Variants in EIF4A2 observed in about 807,000 individuals in gnomAD.
EIF4A2 encodes eukaryotic initiation factor 4A-II.
In EIF4A2, 9 loss-of-function variants were observed where a neutral mutation model predicts 50.6. The observed-to-expected ratio is 0.18, with a 90% confidence interval of 0.11 to 0.31. The LOEUF (loss-of-function observed/expected upper bound fraction) is 0.31, where lower values mean the gene tolerates loss of function less well. Among genes scored for constraint, EIF4A2 ranks in the 10% least tolerant of loss-of-function variants. The pLI is 1.00. For missense variants in EIF4A2, 182 were observed against 501.8 expected (o/e 0.36, Z 6.09); for synonymous variants, 215 against 164.4 (o/e 1.31, Z -2.35).
chr3:186,788,076 T>G lies in EIF4A2; in HGVS notation c.1079+194T>G, dbSNP rs903851583. The G allele has an allele frequency of 6.8e-6, 5 of 735,824 alleles. No individual in the cohort carries two copies. In the East Asian group the frequency reaches 8.3e-5, roughly 12 times the overall value. 45.6% of individuals were successfully genotyped at this position (735,824 alleles called of 1,614,324 possible). A position where few individuals can be genotyped will look rare whatever the true frequency, so the allele number is the denominator to read the frequency against. On this transcript the variant is annotated intron_variant, in intron 10 of 10. Transcript: ENST00000323963. ...GAAAACTTGTAAACATTGCCCAGAT[T>G]GTGGACATAGGGTTTTTTTCCACAA... is the stretch of plus-strand genomic sequence containing the variant.
chr3:186,783,954 CTG>C (rs1553797491), intron 1 of EIF4A2: 2 of 469,966 alleles, frequency 4.3e-6, no homozygotes, highest in Non-Finnish European at 7.7e-6. Context: ...GTTCGGTACA[CTG>C]TAACCAGGAC....
rs1476274536 is a variant in EIF4A2 at position 186,788,372 on chromosome 3, C to T, written c.1079+490C>T. Reference sequence around the variant, plus strand: ...GAAACGGCGTTGACGTAATTTAGGACGTGGAATCATAAGCGAAACAGCACA... The same window carrying T: ...GAAACGGCGTTGACGTAATTTAGGATGTGGAATCATAAGCGAAACAGCACA... On this transcript the variant is annotated intron_variant, in intron 10 of 10. Coordinates refer to ENST00000323963, the MANE Select transcript of EIF4A2 (RefSeq NM_001967.4). The T allele has an allele frequency of 1.7e-5, 22 of 1,288,638 alleles. No homozygotes were observed. The Admixed American group carries it at 2.5e-4, about 15-fold the overall frequency. The allele number at this position is 1,288,638 out of a possible 1,614,324, so 79.8% of individuals were successfully genotyped here. A position where few individuals can be genotyped will look rare whatever the true frequency, so the allele number is the denominator to read the frequency against.
At chr3:186,788,023 C>G (rs1033531887) in intron 10 of EIF4A2, 141 bp downstream of exon 10, 1 of 940,638 alleles carries the variant, frequency 1.1e-6, no homozygotes, top group African/African-American at 1.7e-5. Flanking sequence ...TAAATTTGTA[C>G]TAGGGAAGGT....
intron 10 of EIF4A2, 46 bp downstream of exon 10, chr3:186,787,928 T>C (rs1385223615): frequency 6.3e-7 from 1 of 1,589,142 alleles, no homozygotes; most frequent in Admixed American, 1.7e-5. Context: ...TTCATACGTT[T>C]TTCTACTGTG....
intron 6 of EIF4A2, 85 bp downstream of exon 6, chr3:186,786,358 G>GC: frequency 6.6e-7 from 1 of 1,520,732 alleles, no homozygotes; most frequent in Admixed American, 2.0e-5. Context: ...GATGTGTTTT[G>GC]TTGTCGTTCC....
At position 186,789,118 on chromosome 3, in the gene EIF4A2, T is replaced by TA. The variant is rs1205782402; in HGVS notation, c.1080-6dup. 1.2e-6 allele frequency: 2 copies of TA among 1,611,998 alleles called. No homozygotes were observed. The highest frequency in any genetic ancestry group is 4.5e-5 in the East Asian group (2 of 44,856). ...GAAGTAACGTTCTGATTCTTTTTCT[T>TA]ACACAGAATTGGCAGAGGGGGTCGA... On this transcript the variant is annotated splice_region_variant and splice_polypyrimidine_tract_variant and intron_variant, in intron 10 of 10. Coordinates refer to ENST00000323963, the MANE Select transcript of EIF4A2 (RefSeq NM_001967.4).
intron 10 of EIF4A2, chr3:186,788,661 G>T: frequency 4.4e-6 from 1 of 228,624 alleles, no homozygotes. Flanking sequence ...CCAAATATTT[G>T]TTTTCCCACT....
At chr3:186,786,121 C>T in intron 5 of EIF4A2, 43 bp from the exon 6 acceptor site, 1 of 1,604,420 alleles carries the variant, frequency 6.2e-7, no homozygotes. Flanking sequence ...AATTGTATCA[C>T]TGAGTAGATC....
intron 6 of EIF4A2, 33 bp downstream of exon 6, chr3:186,786,306 G>A (rs1560084944): frequency 1.3e-6 from 2 of 1,590,904 alleles, no homozygotes; most frequent in Non-Finnish European, 8.6e-7. Context: ...CTTAAAGGTA[G>A]AGATGGGGTT....
At chr3:186,784,766 TG>T in intron 3 of EIF4A2, 70 bp downstream of exon 3, 1 of 1,608,660 alleles carries the variant, frequency 6.2e-7, no homozygotes, top group Non-Finnish European at 8.5e-7. Context: ...AAGTAACCTC[TG>T]GGGGACTAGC....
At position 186,787,119 on chromosome 3, in the gene EIF4A2, C is replaced by T. The variant is rs192115833; in HGVS notation, c.772-8C>T. 2.7e-3 allele frequency: 4,374 copies of T among 1,613,058 alleles called. 9 individuals are homozygous for T. Among genetic ancestry groups the T allele is most frequent in the Admixed American group, 4.9e-3 (294 of 59,982 alleles). ...ATGACTGTTAACTTTAACTTCTAAA[C>T]ATTACAGGAATGGAAGTTGGATACA... On this transcript the variant is annotated splice_polypyrimidine_tract_variant and splice_region_variant and intron_variant, in intron 7 of 10. Coordinates refer to ENST00000323963, the MANE Select transcript of EIF4A2 (RefSeq NM_001967.4).
intron 7 of EIF4A2, 158 bp downstream of exon 7, chr3:186,786,803 CTCTT>C (rs757921864): frequency 1.8e-4 from 186 of 1,048,292 alleles, no homozygotes; most frequent in South Asian, 1.6e-3. Context: ...TGGGGTGGAC[CTCTT>C]TCTTAATGTC....
chr3:186,786,101 TGA>T, intron 5 of EIF4A2, 50 bp downstream of exon 5: 2 of 1,601,138 alleles, frequency 1.2e-6, no homozygotes, highest in Non-Finnish European at 1.7e-6. Flanking sequence ...TTAACATAGT[TGA>T]AAAGTCAAAT....
chr3:186,789,878 A>C lies in EIF4A2; in HGVS notation c.*609A>C, dbSNP rs1305623469. On this transcript the variant is annotated 3_prime_UTR_variant, in exon 11 of 11. Coordinates refer to ENST00000323963, the MANE Select transcript of EIF4A2 (RefSeq NM_001967.4). ...CTTAATGAAGTTTGAATGTTAAATA[A>C]ATTGTATATTCACTTTAAAGGTGCT... 1 of 812,226 alleles carries C rather than the reference A, an allele frequency of 1.2e-6. No individual in the cohort carries two copies. Among genetic ancestry groups the C allele is most frequent in the Non-Finnish European group, 2.0e-6 (1 of 506,928 alleles). The allele number at this position is 812,226 out of a possible 1,614,324, so 50.3% of individuals were successfully genotyped here.
chr3:186,783,946 T>C (rs1028238697), intron 1 of EIF4A2: 7 of 487,022 alleles, frequency 1.4e-5, no homozygotes, highest in African/African-American at 5.8e-5. Context: ...CAGTCCGAGT[T>C]CGGTACACTG....
In EIF4A2 at chr3:186,786,614, TCAAA is replaced by T. The variant is rs1721725749; in HGVS notation, c.743_746del (p.Lys248SerfsTer23). Reference sequence around the variant, plus strand: ...AAGGAAGAATTGACCCTTGAAGGAATCAAACAGTTTTATATTAATGTTGAGAGAG... The same window carrying T: ...AAGGAAGAATTGACCCTTGAAGGAATCAGTTTTATATTAATGTTGAGAGAG... On this transcript the variant is annotated frameshift_variant, in exon 7 of 11. Transcript: ENST00000323963. LOFTEE classifies it high-confidence loss of function. The T allele has an allele frequency of 2.5e-6, 4 of 1,614,040 alleles. No homozygotes were observed. The highest frequency in any genetic ancestry group is 1.7e-5 in the Admixed American group (1 of 60,020).
chr3:186,786,446 T>C lies in EIF4A2; in HGVS notation c.628-56T>C. The C allele has an allele frequency of 1.9e-6, 3 of 1,589,974 alleles. No individual in the cohort carries two copies. In the Admixed American group the frequency reaches 5.3e-5, roughly 28 times the overall value. On this transcript the variant is annotated intron_variant, in intron 6 of 10. Transcript: ENST00000323963. ...GACAGAGACGCTTGGCTTCAGACATTTTCCTTTGGGTATTAATGTGTAAGT... is the reference window on the plus strand; with the variant it reads ...GACAGAGACGCTTGGCTTCAGACATCTTCCTTTGGGTATTAATGTGTAAGT...
chr3:186,786,292 C>G lies in EIF4A2; in HGVS notation c.627+19C>G, dbSNP rs369523658. 3 of 1,603,464 alleles carry G rather than the reference C, an allele frequency of 1.9e-6. No individual in the cohort carries two copies. The South Asian group carries it at 3.3e-5, about 18-fold the overall frequency. On this transcript the variant is annotated intron_variant, in intron 6 of 10. Transcript: ENST00000323963. ...TATTCAGGTAAGCATTACTTCACCCCCCTCTTAAAGGTAGAGATGGGGTTT... is the reference window on the plus strand; with the variant it reads ...TATTCAGGTAAGCATTACTTCACCCGCCTCTTAAAGGTAGAGATGGGGTTT...
intron 10 of EIF4A2, chr3:186,788,622 A>C: frequency 3.8e-6 from 1 of 265,088 alleles, no homozygotes; most frequent in South Asian, 5.2e-5. Flanking sequence ...AACTGAGCAA[A>C]AAAGCAGTGA....
Sources: gnomAD v4.1 joint callset for allele counts on GRCh38, gnomAD v4.1.1 for gene constraint, MANE v1.5 for transcripts, NCBI Gene and HGNC (gene_info 2026-07-23, HGNC 2026-07-21) for gene names.